The following ZNF423 variants were observed in gnomAD, a reference collection of about 807,000 sequenced individuals.
ZNF423 encodes the protein zinc finger protein 423, also known as Ebf-associated zinc finger protein.
A neutral mutation model predicts 95.8 loss-of-function variants in ZNF423; 12 were observed. The observed-to-expected ratio is 0.13, with a 90% CI of 0.08 to 0.20. The LOEUF is 0.20. ZNF423 is among the 10% of genes least tolerant of loss of function. ZNF423 has a pLI of 1.00. For synonymous variants in ZNF423, 749 were observed against 711.9 expected, an observed-to-expected ratio of 1.05 and a Z score of -0.83; for missense variants, 1,316 against 1,737.1, an observed-to-expected ratio of 0.76 and a Z score of 4.31.
intron 5 of ZNF423, among the ~76,000 whole-genome samples, chr16:49,593,873 C>G (rs1039843159): frequency 3.3e-5 from 5 of 152,204 alleles, no homozygotes; most frequent in African/African-American, 1.2e-4. Context: ...ACCAAGAACT[C>G]TGCCAGGGGC....
chr16:49,651,226 A>G (rs921299108), intron 3 of ZNF423, among the ~76,000 whole-genome samples: 1 of 147,068 alleles, frequency 6.8e-6, no homozygotes. Context: ...GGGTCTCTCT[A>G]TGTTGCACAG....
intron 4 of ZNF423, among the ~76,000 whole-genome samples, chr16:49,633,471 A>G (rs1972570864): frequency 1.3e-5 from 2 of 152,308 alleles, no homozygotes; most frequent in South Asian, 4.1e-4. Flanking sequence ...GTTTCTCCCT[A>G]GATGCAGAGA....
chr16:49,856,365 G>T (rs1019252564), upstream of ZNF423, among the ~76,000 whole-genome samples: 1 of 148,580 alleles, frequency 6.7e-6, no homozygotes, highest in Non-Finnish European at 1.5e-5. Flanking sequence ...GGAGTCGAGG[G>T]TATCTCAAGG....
intron 5 of ZNF423, among the ~76,000 whole-genome samples, chr16:49,532,909 G>A (rs762189140): frequency 4.1e-4 from 62 of 152,112 alleles, no homozygotes; most frequent in Non-Finnish European, 8.8e-5. Flanking sequence ...ATGTGCAAAC[G>A]AACGCTACCC....
chr16:49,652,164 C>T lies in ZNF423; in HGVS notation c.302-13290G>A, dbSNP rs150374733. On this transcript the variant is annotated intron_variant, in intron 3 of 7. Transcript: ENST00000563137. Reference sequence around the variant, plus strand: ...CTCAGACTCCCAGAACACTCCCTCCCCCGCCCCCACATGGCTGCTGGACAT... The same window carrying T: ...CTCAGACTCCCAGAACACTCCCTCCTCCGCCCCCACATGGCTGCTGGACAT... Among the ~76,000 whole-genome samples, 441 of 152,122 alleles carry T rather than the reference C, an allele frequency of 2.9e-3. 1 individual carries two copies. The highest frequency in any genetic ancestry group is 0.01 in the Middle Eastern group (3 of 294).
At chr16:49,728,187 G>T (rs1259442973) in intron 3 of ZNF423, among the ~76,000 whole-genome samples, 2 of 152,108 alleles carry the variant, frequency 1.3e-5, no homozygotes, top group African/African-American at 4.8e-5. Flanking sequence ...GGCATTCCAG[G>T]TAGGGAACTG....
At chr16:49,596,465 A>G (rs955018308) in intron 5 of ZNF423, among the ~76,000 whole-genome samples, 4 of 152,160 alleles carry the variant, frequency 2.6e-5, no homozygotes, top group African/African-American at 9.7e-5. Flanking sequence ...CACAAGAAAA[A>G]CTGTAACACC....
At chr16:49,626,097 A>G in intron 5 of ZNF423, 73 bp downstream of exon 5, 2 of 1,457,862 alleles carry the variant, frequency 1.4e-6, no homozygotes, top group Middle Eastern at 1.7e-4. Context: ...AGCCAGTAAA[A>G]TGATGATTGG....
intron 5 of ZNF423, among the ~76,000 whole-genome samples, chr16:49,571,979 G>A (rs1252807735): frequency 6.6e-6 from 1 of 152,174 alleles, no homozygotes; most frequent in East Asian, 1.9e-4. Context: ...AATACTGATT[G>A]AGCACCTACT....
intron 3 of ZNF423, among the ~76,000 whole-genome samples, chr16:49,658,332 G>A (rs1009260379): frequency 2.6e-5 from 4 of 152,164 alleles, no homozygotes; most frequent in African/African-American, 4.8e-5. Flanking sequence ...GCGCTGCAAG[G>A]AGCCCGGGGC....
In ZNF423 at chr16:49,491,238, A is replaced by G; in HGVS notation, c.*37T>C. 2 of 1,613,956 alleles carry G rather than the reference A, an allele frequency of 1.2e-6. No individual in the cohort carries two copies. Among genetic ancestry groups the G allele is most frequent in the Non-Finnish European group, 1.7e-6 (2 of 1,179,904 alleles). On this transcript the variant is annotated 3_prime_UTR_variant, in exon 8 of 8. Coordinates refer to ENST00000563137, the MANE Select transcript of ZNF423 (RefSeq NM_001379286.1). ...TGGCCCTCCCCACGGCGTCTCCGGC[A>G]AGCCTTCTGCGGAGAGGTGTCCTGT...
chr16:49,491,767 G>A (rs1383458575), intron 7 of ZNF423, among the ~76,000 whole-genome samples: 1 of 152,172 alleles, frequency 6.6e-6, no homozygotes, highest in African/African-American at 2.4e-5. Context: ...GCCTAGCAGA[G>A]GGAGACAGCA....
In ZNF423 at chr16:49,786,390, C is replaced by T. The variant is rs141430697; in HGVS notation, c.100+3097G>A. Among the ~76,000 whole-genome samples the T allele has an allele frequency of 5.2e-3, 788 of 152,320 alleles. 8 individuals are homozygous for T. The highest frequency in any genetic ancestry group is 0.018 in the African/African-American group (743 of 41,576). ...TTTATTGCAGTTCTCCATCACACAC[C>T]CAAGGCTGGGAAAAGCAGGGGAGAG... On this transcript the variant is annotated intron_variant, in intron 2 of 7. Coordinates refer to ENST00000563137, the MANE Select transcript of ZNF423 (RefSeq NM_001379286.1).
intron 3 of ZNF423, among the ~76,000 whole-genome samples, chr16:49,654,897 T>A (rs1479111549): frequency 6.6e-6 from 1 of 152,138 alleles, no homozygotes; most frequent in African/African-American, 2.4e-5. Context: ...AGCATGGAAT[T>A]TTCTTCGGTT....
intron 3 of ZNF423, among the ~76,000 whole-genome samples, chr16:49,676,266 T>A (rs1427653304): frequency 2.0e-5 from 3 of 152,170 alleles, no homozygotes; most frequent in Non-Finnish European, 4.4e-5. Flanking sequence ...AGGCACTAAC[T>A]GAGATACACA....
chr16:49,708,628 G>A (rs927918718), intron 3 of ZNF423, among the ~76,000 whole-genome samples: 3 of 151,992 alleles, frequency 2.0e-5, no homozygotes, highest in Non-Finnish European at 2.9e-5. Flanking sequence ...ACCACCTCAG[G>A]GACCCCTCCC....
intron 2 of ZNF423, among the ~76,000 whole-genome samples, chr16:49,788,234 TG>T (rs1046730425): frequency 1.3e-5 from 2 of 152,210 alleles, no homozygotes; most frequent in Non-Finnish European, 2.9e-5. Flanking sequence ...ACCAGGACCC[TG>T]GAGACTCTGC....
At position 49,638,116 on chromosome 16, in the gene ZNF423, G is replaced by A. The variant is rs200831034; in HGVS notation, c.1060C>T (p.Arg354Trp). Reference protein sequence around the residue: ...EGVYCHLDSHRQPDSSNHSVS... With the variant: ...EGVYCHLDSHWQPDSSNHSVS... Reference sequence around the variant, plus strand: ...CTGTGGTTGCTGGAGTCGGGCTGCCGGTGGCTGTCCAGGTGGCAGTAGACA... The same window carrying A: ...CTGTGGTTGCTGGAGTCGGGCTGCCAGTGGCTGTCCAGGTGGCAGTAGACA... Residue 354 changes from arginine to tryptophan, a missense_variant, in exon 4 of 8, where the codon CGG (arginine) becomes TGG (tryptophan). Transcript: ENST00000563137. This position sits in a 1 kb window ranked among gnomAD's most constrained non-coding sequence, Gnocchi z 5.6. The A allele has an allele frequency of 2.2e-5, 36 of 1,613,014 alleles. No homozygotes were observed. Among genetic ancestry groups the A allele is most frequent in the Admixed American group, 1.7e-4 (10 of 59,986 alleles).
intron 2 of ZNF423, among the ~76,000 whole-genome samples, chr16:49,781,415 C>T (rs2034209711): frequency 1.3e-5 from 2 of 152,168 alleles, no homozygotes; most frequent in South Asian, 4.1e-4. Flanking sequence ...TCAGGTCCAA[C>T]AGGGACTACA....
Sources: gnomAD v4.1 joint callset for allele counts (sites outside exome capture counted in the v4.1 genomes callset) on GRCh38, gnomAD v4.1.1 for gene constraint, Gnocchi (gnomAD v3.1) non-coding constraint, MANE v1.5 for transcripts, NCBI Gene and HGNC (gene_info 2026-07-23, HGNC 2026-07-21) for gene names.